ABCA10: variants seen among roughly 807,000 people sequenced by gnomAD.
The protein encoded by ABCA10 is ATP-binding cassette sub-family A member 10.
ABCA10 carries 169 observed loss-of-function variants against 187.5 expected under a neutral mutation model. The observed-to-expected ratio is 0.90, with a 90% CI of 0.80 to 1.02. ABCA10 has a LOEUF of 1.02. ABCA10 is among the 50% of genes least tolerant of loss of function. The pLI is 0.00. For synonymous variants in ABCA10, 574 were observed against 601.8 expected (o/e 0.95, Z 0.68); for missense variants, 1,727 against 1,812.4 (o/e 0.95, Z 0.86).
intron 29 of ABCA10, 105 bp from the exon 30 acceptor site, chr17:69,155,241 GC>G: frequency 1.2e-6 from 1 of 847,608 alleles, no homozygotes; most frequent in Non-Finnish European, 1.9e-6. Flanking sequence ...TAAATTTAAT[GC>G]CAGGCTGAAG....
In ABCA10 at chr17:69,182,570, C is replaced by T. The variant is rs1028728416; in HGVS notation, c.2631+105G>A. ...GTTTCAAGCCTCCTCTAATATGATGCCAATTTAGAAAACATACTTAAGTTT... is the reference window on the plus strand; with the variant it reads ...GTTTCAAGCCTCCTCTAATATGATGTCAATTTAGAAAACATACTTAAGTTT... On this transcript the variant is annotated intron_variant, in intron 21 of 38. Coordinates refer to ENST00000690296, the MANE Select transcript of ABCA10 (RefSeq NM_001377321.1). 5 of 1,336,960 alleles carry T rather than the reference C, an allele frequency of 3.7e-6. No homozygotes were observed. In the Admixed American group the frequency reaches 1.4e-4, roughly 37 times the overall value. The allele number at this position is 1,336,960 out of a possible 1,614,324, so 82.8% of individuals were successfully genotyped here. A position where few individuals can be genotyped will look rare whatever the true frequency, so the allele number is the denominator to read the frequency against.
intron 25 of ABCA10, among the ~76,000 whole-genome samples, chr17:69,165,490 A>G (rs1212339595): frequency 6.6e-6 from 1 of 152,206 alleles, no homozygotes; most frequent in Non-Finnish European, 1.5e-5. Context: ...GCCATATCTA[A>G]GCAGTCAGAG....
chr17:69,229,539 C>G (rs1385069875), upstream of ABCA10, among the ~76,000 whole-genome samples: 1 of 151,790 alleles, frequency 6.6e-6, no homozygotes, highest in East Asian at 1.9e-4. Context: ...GTGATTTTAA[C>G]TATAATAATA....
At position 69,241,370 on chromosome 17, in the gene ABCA10, C is replaced by T. The variant is rs148914186; in HGVS notation, c.-593+3159G>A. Among the ~76,000 whole-genome samples, 634 of 152,304 alleles carry T rather than the reference C, an allele frequency of 4.2e-3. 5 individuals carry two copies. The highest frequency in any genetic ancestry group is 0.014 in the African/African-American group (597 of 41,566). ...AATGCAATGGCCTCCTAACAGGTCT[C>T]TTGTGCTCTGTCCCCTCATATCTGA... On this transcript the variant is annotated intron_variant, in intron 1 of 39. Coordinates refer to the ABCA10 transcript ENST00000269081.
chr17:69,241,818 T>C (rs942014567), intron 1 of ABCA10, among the ~76,000 whole-genome samples: 2 of 152,246 alleles, frequency 1.3e-5, no homozygotes, highest in Non-Finnish European at 2.9e-5. Context: ...TTCAATAATG[T>C]ATATGCCTAG....
At chr17:69,179,445 G>T (rs2074362065) in intron 22 of ABCA10, among the ~76,000 whole-genome samples, 1 of 152,176 alleles carries the variant, frequency 6.6e-6, no homozygotes, top group Non-Finnish European at 1.5e-5. Flanking sequence ...GACCCATTCA[G>T]CTCTGTGCAG....
At position 69,153,324 on chromosome 17, in the gene ABCA10, C is replaced by T. The variant is rs201375015; in HGVS notation, c.4117G>A (p.Glu1373Lys). The change falls in exon 34 of 39, where the codon GAG becomes AAG. Residue 1373 changes from glutamate to lysine, a missense_variant. Glu to Lys is a moderately conservative substitution (Grantham distance 56). Coordinates refer to ENST00000690296, the MANE Select transcript of ABCA10 (RefSeq NM_001377321.1). Reference protein sequence around the residue: ...LDEPFTGMDPEGQQQMWQILQ... With the variant: ...LDEPFTGMDPKGQQQMWQILQ... ...CCTTACCACATTTGCTGCTGCCCCT[C>T]GGGGTCCATCCCGGTGAACGGCTCA... 1.4e-4 allele frequency: 225 copies of T among 1,612,482 alleles called. No individual in the cohort carries two copies. Among genetic ancestry groups the T allele is most frequent in the Non-Finnish European group, 1.9e-4 (222 of 1,179,316 alleles).
At chr17:69,237,754 G>A (rs1598134432) in intron 1 of ABCA10, among the ~76,000 whole-genome samples, 2 of 152,106 alleles carry the variant, frequency 1.3e-5, no homozygotes, top group South Asian at 4.2e-4. Context: ...GAGTAGGGTG[G>A]GCCCTAAATT....
intron 9 of ABCA10, among the ~76,000 whole-genome samples, chr17:69,208,310 C>T (rs1038195373): frequency 4.0e-5 from 6 of 149,312 alleles, no homozygotes; most frequent in Non-Finnish European, 7.4e-5. Context: ...CCTAGCTATT[C>T]GGGAGGCTGA....
chr17:69,228,978 A>G (rs114020991), upstream of ABCA10: 1 of 152,062 alleles, frequency 6.6e-6, no homozygotes, highest in Non-Finnish European at 1.5e-5. Flanking sequence ...TAAAAATTTG[A>G]CAGCCAAGCT....
chr17:69,154,419 A>AAT, intron 30 of ABCA10, 93 bp from the exon 31 acceptor site: 13 of 661,520 alleles, frequency 2.0e-5, no homozygotes, highest in South Asian at 2.8e-5. Context: ...AAACAAAATG[A>AAT]CTTTTTTTTT....
chr17:69,180,739 C>T (rs1167074320), intron 22 of ABCA10, among the ~76,000 whole-genome samples: 2 of 152,138 alleles, frequency 1.3e-5, no homozygotes, highest in African/African-American at 4.8e-5. Context: ...AGTTTCTCTA[C>T]TTACAATTAA....
At chr17:69,226,355 C>T (rs1225791195) in intron 2 of ABCA10, among the ~76,000 whole-genome samples, 3 of 151,898 alleles carry the variant, frequency 2.0e-5, no homozygotes, top group Non-Finnish European at 1.5e-5. Context: ...TAGATGTATC[C>T]TTCTTCAATA....
At chr17:69,222,989 T>C (rs1387910982) in intron 3 of ABCA10, among the ~76,000 whole-genome samples, 1 of 151,520 alleles carries the variant, frequency 6.6e-6, no homozygotes, top group African/African-American at 2.4e-5. Flanking sequence ...CATAGAAACA[T>C]ACTCTATATA....
Position 69,153,289 on chromosome 17 carries a change from TA to T in ABCA10, c.4136+15del. The stretch of plus-strand genomic sequence containing the variant: ...GTATTCTCTTGACTCTGACACTTAA[TA>T]TTCACTCTCCTTACCACATTTGCTG... On this transcript the variant is annotated intron_variant, in intron 34 of 38. Transcript: ENST00000690296. 1 of 1,588,370 alleles carries T rather than the reference TA, an allele frequency of 6.3e-7. No individual in the cohort carries two copies. The highest frequency in any genetic ancestry group is 1.4e-5 in the African/African-American group (1 of 73,418).
Position 69,150,058 on chromosome 17 carries a change from G to T in ABCA10, c.4403C>A (p.Ser1468Tyr). The stretch of plus-strand genomic sequence containing the variant: ...AGGTAACTTATACGCCATTAAAGAG[G>T]AATATCTGTCAGGAAGAAGAGTGAG... ...FPQAAWQERY[S>Y]SLMAYKLPVE... The change falls in exon 37 of 39, where the codon TCC becomes TAC. Residue 1468 changes from serine (S) to tyrosine (Y), a missense_variant. Ser to Tyr is a moderately radical substitution (Grantham distance 144, BLOSUM62 -2). Coordinates refer to ENST00000690296, the MANE Select transcript of ABCA10 (RefSeq NM_001377321.1). 6 of 1,610,398 alleles carry T rather than the reference G, an allele frequency of 3.7e-6. No homozygotes were observed. Among genetic ancestry groups the T allele is most frequent in the Non-Finnish European group, 5.1e-6 (6 of 1,177,610 alleles).
chr17:69,229,332 T>C (rs578228859), upstream of ABCA10, among the ~76,000 whole-genome samples: 1 of 152,066 alleles, frequency 6.6e-6, no homozygotes, highest in South Asian at 2.1e-4. Context: ...GACTCCAAGA[T>C]CCCTCACTCT....
chr17:69,165,644 C>T (rs1457934473), intron 25 of ABCA10, among the ~76,000 whole-genome samples: 3 of 152,136 alleles, frequency 2.0e-5, no homozygotes, highest in Non-Finnish European at 2.9e-5. Context: ...AAAATGGCTC[C>T]CTGGCTCCAG....
chr17:69,210,839 T>TATATATATATATATATATATATA (rs1568069864), intron 9 of ABCA10, among the ~76,000 whole-genome samples: 2 of 31,078 alleles, frequency 6.4e-5, no homozygotes, highest in Admixed American at 3.4e-4. Context: ...TGCCACATAT[T>TATATATATATATATATATATATA]TATGCCACAT....
Sources: gnomAD v4.1 joint callset for allele counts (sites outside exome capture counted in the v4.1 genomes callset) on GRCh38, gnomAD v4.1.1 for gene constraint, MANE v1.5 for transcripts, NCBI Gene and HGNC (gene_info 2026-07-23, HGNC 2026-07-21) for gene names.